B3GNT4: variants seen among roughly 807,000 people sequenced by gnomAD.
B3GNT4 encodes UDP-GlcNAc:betaGal beta-1,3-N-acetylglucosaminyltransferase 4.
A neutral mutation model predicts 2.7 loss-of-function variants in B3GNT4; 2 were observed. The observed-to-expected ratio is 0.73, with a 90% CI of 0.30 to 2.31. The LOEUF is 2.31. Ranked by LOEUF, B3GNT4 falls within the 30% of genes most tolerant of loss-of-function variation. B3GNT4 has a pLI of 0.12. For synonymous variants in B3GNT4, 280 were observed against 203.4 expected (o/e 1.38, Z -3.20); for missense variants, 708 against 490.9 (o/e 1.44, Z -4.18).
Position 122,208,938 on chromosome 12 carries a change from CA to C in B3GNT4, c.*1553del. ...ACAAAGAGATCATGAATAAAATTGT[CA>C]AAGATCCCTTTCATCACCTTGACTA... On this transcript the variant is annotated 3_prime_UTR_variant, in exon 3 of 3. Coordinates refer to ENST00000324189, the MANE Select transcript of B3GNT4 (RefSeq NM_030765.4). 1 of 372,104 alleles carries C rather than the reference CA, an allele frequency of 2.7e-6. No homozygotes were observed. The highest frequency in any genetic ancestry group is 5.2e-6 in the Non-Finnish European group (1 of 192,608). 23.1% of individuals were successfully genotyped at this position (372,104 alleles called of 1,614,324 possible). A position where few individuals can be genotyped will look rare whatever the true frequency, so the allele number is the denominator to read the frequency against.
In B3GNT4 at chr12:122,204,565, G is replaced by C. The variant is rs1953889860; in HGVS notation, c.-54G>C. 25 of 1,323,734 alleles carry C rather than the reference G, an allele frequency of 1.9e-5. No homozygotes were observed. Among genetic ancestry groups the C allele is most frequent in the Non-Finnish European group, 2.1e-5 (20 of 944,984 alleles). The allele number at this position is 1,323,734 out of a possible 1,614,324, so 82.0% of individuals were successfully genotyped here. On this transcript the variant is annotated 5_prime_UTR_variant, in exon 2 of 3. Transcript: ENST00000324189. ...CTGAGACTCATCTCGCTTCGACCCC[G>C]CCGCCGCCGCCGCCCGGCATCCTGA...
In B3GNT4 at chr12:122,208,376, G is replaced by A; in HGVS notation, c.*988G>A. On this transcript the variant is annotated 3_prime_UTR_variant, in exon 3 of 3. Coordinates refer to ENST00000324189, the MANE Select transcript of B3GNT4 (RefSeq NM_030765.4). ...GTGGGGAGACAGGGCAGTGTGCTCAGGCCCTCAATCCTCACGCAGGTAGGC... is the reference window on the plus strand; with the variant it reads ...GTGGGGAGACAGGGCAGTGTGCTCAAGCCCTCAATCCTCACGCAGGTAGGC... The A allele has an allele frequency of 1.2e-6, 2 of 1,611,690 alleles. No individual in the cohort carries two copies. Among genetic ancestry groups the A allele is most frequent in the Non-Finnish European group, 1.7e-6 (2 of 1,179,994 alleles).
chr12:122,207,144 C>G lies in B3GNT4; in HGVS notation c.893C>G (p.Ala298Gly), dbSNP rs1953936626. The change falls in exon 3 of 3, where the codon GCT becomes GGT. Residue 298 changes from alanine (A) to glycine (G), a missense_variant. Ala to Gly is a moderately conservative substitution (Grantham distance 60, BLOSUM62 0). Coordinates refer to ENST00000324189, the MANE Select transcript of B3GNT4 (RefSeq NM_030765.4). ...VRRLQAIMED[A>G]ELFPIDDVFV... ...CGCCTCCAGGCTATCATGGAAGATG[C>G]TGAACTCTTCCCCATTGATGATGTC... 6.2e-7 allele frequency: 1 copy of G among 1,614,064 alleles called. No individual in the cohort carries two copies. The highest frequency in any genetic ancestry group is 2.2e-5 in the East Asian group (1 of 44,884).
rs756677704 is a variant in B3GNT4, at chr12:122,207,033, T to G, written c.782T>G (p.Phe261Cys). 1 of 1,613,832 alleles carries G rather than the reference T, an allele frequency of 6.2e-7. No individual in the cohort carries two copies. Among genetic ancestry groups the G allele is most frequent in the South Asian group, 1.1e-5 (1 of 91,044 alleles). Residue 261 changes from phenylalanine to cysteine, a missense_variant, in exon 3 of 3, where the codon TTC becomes TGC. By Grantham distance (205) the Phe-to-Cys change is radical. Coordinates refer to ENST00000324189, the MANE Select transcript of B3GNT4 (RefSeq NM_030765.4). ...AACAGGAACACTAAGGTCAAATACT[T>G]CATCCCACCCTCAATGTACAGGGCC... is the stretch of plus-strand genomic sequence containing the variant. ...LPNRNTKVKY[F>C]IPPSMYRATH...
At position 122,207,872 on chromosome 12, in the gene B3GNT4, T is replaced by A; in HGVS notation, c.*484T>A. The A allele has an allele frequency of 2.2e-6, 1 of 460,458 alleles. No individual in the cohort carries two copies. Among genetic ancestry groups the A allele is most frequent in the Non-Finnish European group, 4.3e-6 (1 of 231,204 alleles). 28.5% of individuals were successfully genotyped at this position (460,458 alleles called of 1,614,324 possible). A position where few individuals can be genotyped will look rare whatever the true frequency, so the allele number is the denominator to read the frequency against. On this transcript the variant is annotated 3_prime_UTR_variant, in exon 3 of 3. Transcript: ENST00000324189. ...AGGTTTTTCACTCCTTGGCCTCAGCTGTCCTCACAGGACAGTGGGGGCAGA... is the reference window on the plus strand; with the variant it reads ...AGGTTTTTCACTCCTTGGCCTCAGCAGTCCTCACAGGACAGTGGGGGCAGA...
chr12:122,206,655 C>G lies in B3GNT4; in HGVS notation c.404C>G (p.Ala135Gly). The part of the protein sequence containing the change: ...KSQPGHVERR[A>G]AIRSTWGRVG... ...CAGCCTGGTCACGTGGAGCGACGTG[C>G]GGCTATCCGCAGCACGTGGGGCAGG... The change falls in exon 3 of 3, where the codon GCG becomes GGG. Residue 135 changes from alanine (A) to glycine (G), a missense_variant. Ala to Gly is a moderately conservative substitution (Grantham distance 60, BLOSUM62 0). Coordinates refer to ENST00000324189, the MANE Select transcript of B3GNT4 (RefSeq NM_030765.4). 1 of 1,613,636 alleles carries G rather than the reference C, an allele frequency of 6.2e-7. No homozygotes were observed. The highest frequency in any genetic ancestry group is 8.5e-7 in the Non-Finnish European group (1 of 1,179,964).
rs372001893 is a variant in B3GNT4, at chr12:122,208,611, C to A, written c.*1223C>A. On this transcript the variant is annotated 3_prime_UTR_variant, in exon 3 of 3. Coordinates refer to ENST00000324189, the MANE Select transcript of B3GNT4 (RefSeq NM_030765.4). ...AGATGGGACAATCGGGTTGAGCAGC[C>A]GTGCAGGGCGCGGAAGGCTCATGTG... 18 of 1,603,434 alleles carry A rather than the reference C, an allele frequency of 1.1e-5. No individual in the cohort carries two copies. Among genetic ancestry groups the A allele is most frequent in the Admixed American group, 6.7e-5 (4 of 59,364 alleles).
In B3GNT4 at chr12:122,206,582, C is replaced by G; in HGVS notation, c.331C>G (p.Pro111Ala). 9 of 1,614,196 alleles carry G rather than the reference C, an allele frequency of 5.6e-6. No individual in the cohort carries two copies. Among genetic ancestry groups the G allele is most frequent in the Non-Finnish European group, 7.6e-6 (9 of 1,180,044 alleles). ...HCRNFSILLEPSGCSKDTFLL... is the reference protein window; with the variant it reads ...HCRNFSILLEASGCSKDTFLL... ...CCGAAATTTCTCTATCTTGCTGGAG[C>G]CTTCAGGCTGTTCCAAGGATACCTT... is the stretch of plus-strand genomic sequence containing the variant. Residue 111 changes from proline (P) to alanine (A), a missense_variant, in exon 3 of 3, where the codon CCT (proline) becomes GCT (alanine). By Grantham distance (27) the Pro-to-Ala change is conservative. Coordinates refer to ENST00000324189, the MANE Select transcript of B3GNT4 (RefSeq NM_030765.4).
chr12:122,204,623 T>G lies in B3GNT4; in HGVS notation c.5T>G (p.Leu2Arg), dbSNP rs762542367. The G allele has an allele frequency of 1.2e-6, 2 of 1,611,040 alleles. No homozygotes were observed. The highest frequency in any genetic ancestry group is 1.7e-5 in the Admixed American group (1 of 60,016). Reference sequence around the variant, plus strand: ...GACAGTCTCCAGCTGCCGTTCATGCTTCCTCCCCAGCCTTCCGCAGCCCAC... The same window carrying G: ...GACAGTCTCCAGCTGCCGTTCATGCGTCCTCCCCAGCCTTCCGCAGCCCAC... Reference protein sequence around the residue: MLPPQPSAAHQG... With the variant: MRPPQPSAAHQG... Residue 2 changes from leucine (L) to arginine (R), a missense_variant, in exon 2 of 3, where the codon CTT becomes CGT. Coordinates refer to ENST00000324189, the MANE Select transcript of B3GNT4 (RefSeq NM_030765.4).
Position 122,206,790 on chromosome 12 carries a change from A to G in B3GNT4, c.539A>G (p.Asp180Gly). The change falls in exon 3 of 3, where the codon GAC becomes GGC. Residue 180 changes from aspartate (D) to glycine (G), a missense_variant. By Grantham distance (94) the Asp-to-Gly change is moderately conservative. Coordinates refer to ENST00000324189, the MANE Select transcript of B3GNT4 (RefSeq NM_030765.4). ...GCCTATGAGAGTAGGGAGTTTGATG[A>G]CATCCTCCAGTGGGACTTCACTGAG... Reference protein sequence around the residue: ...LLAYESREFDDILQWDFTEDF... With the variant: ...LLAYESREFDGILQWDFTEDF... 6.2e-7 allele frequency: 1 copy of G among 1,608,752 alleles called. No homozygotes were observed. Among genetic ancestry groups the G allele is most frequent in the Non-Finnish European group, 8.5e-7 (1 of 1,177,126 alleles).
At position 122,204,604 on chromosome 12, in the gene B3GNT4, C is replaced by T; in HGVS notation, c.-15C>T. ...CCGGCATCCTGAGCACGGAGACAGT[C>T]TCCAGCTGCCGTTCATGCTTCCTCC... is the stretch of plus-strand genomic sequence containing the variant. On this transcript the variant is annotated 5_prime_UTR_variant, in exon 2 of 3. Transcript: ENST00000324189. The T allele has an allele frequency of 6.2e-7, 1 of 1,604,936 alleles. No homozygotes were observed.
Position 122,208,710 on chromosome 12 carries a change from C to G in B3GNT4, c.*1322C>G. The G allele has an allele frequency of 1.2e-6, 1 of 853,462 alleles. No individual in the cohort carries two copies. Among genetic ancestry groups the G allele is most frequent in the Non-Finnish European group, 1.9e-6 (1 of 523,096 alleles). The allele number at this position is 853,462 out of a possible 1,614,324, so 52.9% of individuals were successfully genotyped here. On this transcript the variant is annotated 3_prime_UTR_variant, in exon 3 of 3. Coordinates refer to ENST00000324189, the MANE Select transcript of B3GNT4 (RefSeq NM_030765.4). ...TCACTTTCCTTGACCTCCCTGTCTT[C>G]TCTCTCTGCAAAGAAACTTCCACCT...
Position 122,204,518 on chromosome 12 carries a change from A to T in B3GNT4, c.-97-4A>T. The T allele has an allele frequency of 9.6e-7, 1 of 1,038,540 alleles. No homozygotes were observed. 64.3% of individuals were successfully genotyped at this position (1,038,540 alleles called of 1,614,324 possible). On this transcript the variant is annotated splice_region_variant and splice_polypyrimidine_tract_variant and intron_variant, in intron 1 of 2. Coordinates refer to ENST00000324189, the MANE Select transcript of B3GNT4 (RefSeq NM_030765.4). ...CGCCGCCCGCCCGGGCCTCTCGTCC[A>T]CAGCCCGCGGTGCTCGCACACCTGA...
rs913120331 is a variant in B3GNT4, at chr12:122,207,672, G to A, written c.*284G>A. On this transcript the variant is annotated 3_prime_UTR_variant, in exon 3 of 3. Transcript: ENST00000324189. Reference sequence around the variant, plus strand: ...AGGAAGGAGGCTGCATAGGACCCCAGGAGAGACGCATTTTCTCTTTCAGAT... The same window carrying A: ...AGGAAGGAGGCTGCATAGGACCCCAAGAGAGACGCATTTTCTCTTTCAGAT... 21 of 632,642 alleles carry A rather than the reference G, an allele frequency of 3.3e-5. No individual in the cohort carries two copies. The Admixed American group carries it at 3.3e-4, about 10-fold the overall frequency. 39.2% of individuals were successfully genotyped at this position (632,642 alleles called of 1,614,324 possible).
In B3GNT4 at chr12:122,206,358, A is replaced by G. The variant is rs760372834; in HGVS notation, c.107A>G (p.Tyr36Cys). The G allele has an allele frequency of 1.2e-6, 2 of 1,603,250 alleles. No homozygotes were observed. The highest frequency in any genetic ancestry group is 1.7e-6 in the Non-Finnish European group (2 of 1,175,484). Reference sequence around the variant, plus strand: ...TGCAGGCTGTGCTGGCTGGTCTCGTACAGCTTGGCTGTGCTGTTGCTCGGC... The same window carrying G: ...TGCAGGCTGTGCTGGCTGGTCTCGTGCAGCTTGGCTGTGCTGTTGCTCGGC... Reference protein sequence around the residue: ...MLCRLCWLVSYSLAVLLLGCL... With the variant: ...MLCRLCWLVSCSLAVLLLGCL... Residue 36 changes from tyrosine (Y) to cysteine (C), a missense_variant, in exon 3 of 3, where the codon TAC becomes TGC. Physicochemically the swap from Tyr to Cys is radical, Grantham distance 194. Coordinates refer to ENST00000324189, the MANE Select transcript of B3GNT4 (RefSeq NM_030765.4).
In B3GNT4 at chr12:122,207,083, G is replaced by T; in HGVS notation, c.832G>T (p.Gly278Trp). 1 of 1,614,046 alleles carries T rather than the reference G, an allele frequency of 6.2e-7. No individual in the cohort carries two copies. The highest frequency in any genetic ancestry group is 1.1e-5 in the South Asian group (1 of 91,058). ...RATHYPPYAG[G>W]GGYVMSRATV... is the part of the protein sequence containing the mutation. ...CACCCACTACCCACCCTATGCTGGTGGGGGAGGATATGTCATGTCCAGAGC... is the reference window on the plus strand; with the variant it reads ...CACCCACTACCCACCCTATGCTGGTTGGGGAGGATATGTCATGTCCAGAGC... The change falls in exon 3 of 3, where the codon GGG becomes TGG. Residue 278 changes from glycine to tryptophan, a missense_variant. Gly to Trp is a radical substitution (Grantham distance 184). Transcript: ENST00000324189.
At chr12:122,204,408 C>T in intron 1 of B3GNT4, 114 bp from the exon 2 acceptor site, 1 of 531,006 alleles carries the variant, frequency 1.9e-6, no homozygotes, top group Non-Finnish European at 3.4e-6. Flanking sequence ...GGACAGGGGC[C>T]ACCCGGGCCG....
At chr12:122,205,152 C>T (rs529864326) in intron 2 of B3GNT4, 16 of 163,314 alleles carry the variant, frequency 9.8e-5, no homozygotes, top group African/African-American at 3.4e-4. Flanking sequence ...CTGACTCTGC[C>T]CACGGCCTGC....
Position 122,208,294 on chromosome 12 carries a change from A to T in B3GNT4, c.*906A>T. Reference sequence around the variant, plus strand: ...AGGATCTGCCGCCTCTTCTCGGTGCACAGACAGTCATGCCAACCCTGGGCA... The same window carrying T: ...AGGATCTGCCGCCTCTTCTCGGTGCTCAGACAGTCATGCCAACCCTGGGCA... On this transcript the variant is annotated 3_prime_UTR_variant, in exon 3 of 3. Coordinates refer to ENST00000324189, the MANE Select transcript of B3GNT4 (RefSeq NM_030765.4). The T allele has an allele frequency of 6.6e-7, 1 of 1,509,676 alleles. No homozygotes were observed. Among genetic ancestry groups the T allele is most frequent in the Non-Finnish European group, 9.1e-7 (1 of 1,097,494 alleles). 93.5% of individuals were successfully genotyped at this position (1,509,676 alleles called of 1,614,324 possible). A position where few individuals can be genotyped will look rare whatever the true frequency, so the allele number is the denominator to read the frequency against.
Sources: allele counts gnomAD v4.1 joint callset, GRCh38; gene constraint gnomAD v4.1.1; transcripts MANE v1.5; gene names NCBI Gene and HGNC (gene_info 2026-07-23, HGNC 2026-07-21).